The following CDH18 variants were observed in gnomAD, a reference collection of about 807,000 sequenced individuals.
CDH18 encodes cadherin 18.
A neutral mutation model predicts 67.9 loss-of-function variants in CDH18; 31 were observed. The observed-to-expected ratio is 0.46, with a 90% CI of 0.34 to 0.62. The LOEUF (loss-of-function observed/expected upper bound fraction) is 0.62. Ranked by LOEUF, CDH18 falls within the 20% of genes least tolerant of loss-of-function variation. The pLI is 0.01. For synonymous variants in CDH18, 362 were observed against 347.2 expected (o/e 1.04, Z -0.48); for missense variants, 890 against 975.5 (o/e 0.91, Z 1.17).
chr5:19,609,655 G>GA (rs1473761707), intron 6 of CDH18, among the ~76,000 whole-genome samples: 2 of 151,878 alleles, frequency 1.3e-5, no homozygotes, highest in African/African-American at 4.8e-5. Flanking sequence ...AAGCATGGAG[G>GA]AAAAAACACT....
intron 2 of CDH18, among the ~76,000 whole-genome samples, chr5:20,001,334 A>G (rs1294368410): frequency 6.6e-6 from 1 of 152,126 alleles, no homozygotes; most frequent in African/African-American, 2.4e-5. Flanking sequence ...TCCCCTACTG[A>G]GTGTATAGGT....
At chr5:20,329,907 T>C (rs988469439) in intron 1 of CDH18, among the ~76,000 whole-genome samples, 3 of 151,126 alleles carry the variant, frequency 2.0e-5, no homozygotes, top group Non-Finnish European at 3.0e-5. Flanking sequence ...TGAAACCTAA[T>C]CTAGAGTGGA....
intron 7 of CDH18, among the ~76,000 whole-genome samples, chr5:19,575,425 GT>G (rs774728014): frequency 3.3e-5 from 5 of 152,238 alleles, no homozygotes; most frequent in Non-Finnish European, 5.9e-5. Context: ...TCAAAAGTTA[GT>G]TTAACTCATA....
intron 1 of CDH18, among the ~76,000 whole-genome samples, chr5:20,510,240 AT>A (rs1404204618): frequency 6.6e-6 from 1 of 151,730 alleles, no homozygotes; most frequent in African/African-American, 2.4e-5. Context: ...CGATTGGGTT[AT>A]TTGTCTCAGT....
chr5:19,943,822 G>T (rs1795054001), intron 2 of CDH18, among the ~76,000 whole-genome samples: 1 of 151,984 alleles, frequency 6.6e-6, no homozygotes, highest in Admixed American at 6.6e-5. Context: ...TATACCCAAT[G>T]CTGTGCTATT....
intron 7 of CDH18, among the ~76,000 whole-genome samples, chr5:19,579,659 G>A (rs909890627): frequency 2.6e-5 from 4 of 151,218 alleles, no homozygotes; most frequent in African/African-American, 4.9e-5. Context: ...TTATTAGCTC[G>A]GACTTATATT....
intron 2 of CDH18, among the ~76,000 whole-genome samples, chr5:20,187,931 T>C (rs1055449091): frequency 2.0e-5 from 3 of 151,738 alleles, no homozygotes; most frequent in Admixed American, 6.6e-5. Flanking sequence ...ATATTAAAAT[T>C]AGAATACAGA....
chr5:20,193,450 T>C (rs1001029027), intron 2 of CDH18, among the ~76,000 whole-genome samples: 15 of 152,000 alleles, frequency 9.9e-5, no homozygotes, highest in African/African-American at 3.6e-4. Flanking sequence ...ATTAATAGCC[T>C]ACCACTAAAA....
At chr5:19,927,698 T>C (rs892565489) in intron 2 of CDH18, among the ~76,000 whole-genome samples, 7 of 152,170 alleles carry the variant, frequency 4.6e-5, no homozygotes, top group African/African-American at 1.4e-4. Flanking sequence ...AGATTATGTA[T>C]AAAAATATTT....
At chr5:19,546,374 A>G (rs1171695644) in intron 8 of CDH18, among the ~76,000 whole-genome samples, 1 of 152,210 alleles carries the variant, frequency 6.6e-6, no homozygotes, top group Non-Finnish European at 1.5e-5. Flanking sequence ...TATGGGAAAT[A>G]AGAAGCATTG....
chr5:20,163,103 G>T (rs1230042753), intron 2 of CDH18, among the ~76,000 whole-genome samples: 2 of 151,734 alleles, frequency 1.3e-5, no homozygotes, highest in African/African-American at 2.4e-5. Context: ...TATCTGTAGA[G>T]CCTTTATTTA....
chr5:19,814,082 A>G (rs956235349), intron 3 of CDH18, among the ~76,000 whole-genome samples: 2 of 151,974 alleles, frequency 1.3e-5, no homozygotes, highest in Admixed American at 1.3e-4. Flanking sequence ...AAATAAATTT[A>G]ATATGGGAGA....
At chr5:19,978,477 A>G (rs1269266845) in intron 2 of CDH18, among the ~76,000 whole-genome samples, 2 of 152,228 alleles carry the variant, frequency 1.3e-5, no homozygotes, top group East Asian at 1.9e-4. Flanking sequence ...CAGAAACTCA[A>G]TATGCTAGTT....
intron 5 of CDH18, among the ~76,000 whole-genome samples, chr5:19,688,693 A>T (rs1194563884): frequency 6.6e-6 from 1 of 152,096 alleles, no homozygotes; most frequent in African/African-American, 2.4e-5. Flanking sequence ...AGATTTCAAT[A>T]AAAAAAGTAT....
At chr5:19,948,759 T>C (rs1795511071) in intron 2 of CDH18, among the ~76,000 whole-genome samples, 1 of 152,172 alleles carries the variant, frequency 6.6e-6, no homozygotes, top group Admixed American at 6.6e-5. Flanking sequence ...AAGATGTTAT[T>C]GTGGGAGAAA....
At chr5:20,436,836 A>T (rs1273611738) in intron 1 of CDH18, among the ~76,000 whole-genome samples, 2 of 151,352 alleles carry the variant, frequency 1.3e-5, no homozygotes. Flanking sequence ...AATTCCCAAA[A>T]CTGTTAGTAA....
chr5:19,775,368 G>T (rs961560439), intron 3 of CDH18, among the ~76,000 whole-genome samples: 2 of 152,124 alleles, frequency 1.3e-5, no homozygotes, highest in African/African-American at 4.8e-5. Context: ...AATCGCTCCT[G>T]GTTCCACAGG....
At chr5:19,649,978 G>C (rs1755344505) in intron 5 of CDH18, among the ~76,000 whole-genome samples, 1 of 151,938 alleles carries the variant, frequency 6.6e-6, no homozygotes, top group Non-Finnish European at 1.5e-5. Flanking sequence ...ACACATGCTT[G>C]AATGATTGAC....
chr5:20,336,724 C>CAAAAAAAAAAAAAAAAAAA (rs59083214), intron 1 of CDH18, among the ~76,000 whole-genome samples: 9 of 63,480 alleles, frequency 1.4e-4, no homozygotes, highest in Non-Finnish European at 1.7e-4. Context: ...GCCTCTGTCT[C>CAAAAAAAAAAAAAAAAAAA]AAAAAAAAAA....
Sources: allele counts gnomAD v4.1 joint callset (sites outside exome capture counted in the v4.1 genomes callset), GRCh38; gene constraint gnomAD v4.1.1; transcripts MANE v1.5; gene names NCBI Gene and HGNC (gene_info 2026-07-23, HGNC 2026-07-21).